Variants in PIEZO2 observed in about 807,000 individuals in gnomAD.
PIEZO2 encodes the protein piezo type mechanosensitive ion channel component 2, also known as piezo-type mechanosensitive ion channel component 2.
A neutral mutation model predicts 337.3 loss-of-function variants in PIEZO2; 172 were observed. The ratio of observed to expected loss-of-function variants is 0.51; its 90% confidence interval spans 0.45 to 0.58. The LOEUF (loss-of-function observed/expected upper bound fraction) is 0.58, where lower values mean the gene tolerates loss of function less well. Among genes scored for constraint, PIEZO2 ranks in the 20% least tolerant of loss-of-function variants. The pLI, the probability that PIEZO2 is intolerant of heterozygous loss-of-function variation, is 0.00. For missense variants in PIEZO2, 3,028 were observed against 3,391.3 expected, an observed-to-expected ratio of 0.89 and a Z score of 2.66; for synonymous variants, 1,251 against 1,228.5, an observed-to-expected ratio of 1.02 and a Z score of -0.38.
intron 2 of PIEZO2, among the ~76,000 whole-genome samples, chr18:11,051,804 A>G (rs1363083614): frequency 1.3e-5 from 2 of 152,192 alleles, no homozygotes; most frequent in African/African-American, 4.8e-5. Flanking sequence ...AGGGCTCTGG[A>G]CTTTGGACAA....
intron 40 of PIEZO2, among the ~76,000 whole-genome samples, chr18:10,706,509 C>T (rs1264108622): frequency 6.6e-6 from 1 of 152,194 alleles, no homozygotes; most frequent in Non-Finnish European, 1.5e-5. Context: ...CCAGGGTGCG[C>T]TTCTGTTCTC....
At chr18:11,113,120 G>A (rs1598979658) in intron 1 of PIEZO2, among the ~76,000 whole-genome samples, 1 of 152,252 alleles carries the variant, frequency 6.6e-6, no homozygotes, top group East Asian at 1.9e-4. Context: ...CTTGACCTGG[G>A]CTTTATGCTC....
Position 10,794,615 on chromosome 18 carries a change from A to C in PIEZO2, c.1758+157T>G, listed in dbSNP as rs2144205424. Reference sequence around the variant, plus strand: ...CATGTTTAAATTATAGAGGCCTCTAAGCACCGCAAACTGTTTCTTACAGTC... The same window carrying C: ...CATGTTTAAATTATAGAGGCCTCTACGCACCGCAAACTGTTTCTTACAGTC... On this transcript the variant is annotated intron_variant, in intron 13 of 55. Transcript: ENST00000674853. This position sits in a 1 kb window ranked among gnomAD's most constrained non-coding sequence, Gnocchi z 6.6. 6.6e-6 allele frequency among the ~76,000 whole-genome samples: 1 copy of C among 152,306 alleles called. No individual in the cohort carries two copies. Among genetic ancestry groups the C allele is most frequent in the South Asian group, 2.1e-4 (1 of 4,816 alleles).
chr18:11,135,377 G>A (rs1191227971), intron 1 of PIEZO2, among the ~76,000 whole-genome samples: 1 of 151,976 alleles, frequency 6.6e-6, no homozygotes, highest in African/African-American at 2.4e-5. Context: ...TCACTGCAGG[G>A]GTGCAGAAAA....
At chr18:10,694,813 T>A (rs2035011682) in intron 47 of PIEZO2, among the ~76,000 whole-genome samples, 1 of 151,882 alleles carries the variant, frequency 6.6e-6, no homozygotes, top group African/African-American at 2.4e-5. Flanking sequence ...CTAGCCTGGG[T>A]GATGGAGTGA....
intron 3 of PIEZO2, among the ~76,000 whole-genome samples, chr18:10,931,602 A>G (rs1463446443): frequency 1.3e-5 from 2 of 152,118 alleles, no homozygotes; most frequent in Non-Finnish European, 2.9e-5. Flanking sequence ...TAATCCCACC[A>G]TACAGAAATT....
intron 3 of PIEZO2, among the ~76,000 whole-genome samples, chr18:10,917,945 A>G (rs1429669578): frequency 6.6e-6 from 1 of 152,192 alleles, no homozygotes; most frequent in African/African-American, 2.4e-5. Flanking sequence ...CAAAGGAGCC[A>G]AGATTTTTTA....
At chr18:10,693,356 T>TTGTATGTGTG (rs1555625695) in intron 47 of PIEZO2, among the ~76,000 whole-genome samples, 2 of 89,974 alleles carry the variant, frequency 2.2e-5, no homozygotes, top group African/African-American at 3.5e-5. Flanking sequence ...AATCTGGATT[T>TTGTATGTGTG]TGTGTGTGTG....
At chr18:10,912,659 C>T (rs2030585869) in intron 3 of PIEZO2, among the ~76,000 whole-genome samples, 1 of 152,134 alleles carries the variant, frequency 6.6e-6, no homozygotes. Context: ...CTTCGGATGG[C>T]CACTAAGTGT....
intron 1 of PIEZO2, among the ~76,000 whole-genome samples, chr18:11,106,172 C>T (rs374240759): frequency 1.8e-4 from 28 of 152,062 alleles, no homozygotes; most frequent in African/African-American, 6.0e-4. Flanking sequence ...CTGCAAGCTC[C>T]GCCTCCCGGG....
intron 1 of PIEZO2, among the ~76,000 whole-genome samples, chr18:11,079,481 G>A (rs559687585): frequency 9.9e-5 from 15 of 152,252 alleles, no homozygotes; most frequent in Admixed American, 9.8e-4. Flanking sequence ...CCTTTTAAAT[G>A]CACCTCCAAT....
intron 1 of PIEZO2, among the ~76,000 whole-genome samples, chr18:11,113,063 C>A (rs2039782350): frequency 6.6e-6 from 1 of 152,188 alleles, no homozygotes; most frequent in African/African-American, 2.4e-5. Flanking sequence ...CTGATTGACT[C>A]ATGAAATCCC....
At chr18:10,740,829 C>G in intron 33 of PIEZO2, 1 of 698,526 alleles carries the variant, frequency 1.4e-6, no homozygotes, top group Non-Finnish European at 2.6e-6. Context: ...AATGTCAGAA[C>G]GTCTGTGCTG....
At chr18:11,119,434 G>A (rs567331654) in intron 1 of PIEZO2, among the ~76,000 whole-genome samples, 2 of 152,218 alleles carry the variant, frequency 1.3e-5, no homozygotes, top group African/African-American at 4.8e-5. Context: ...CACCGCGCCC[G>A]GCCAAATACT....
At chr18:10,887,421 A>G (rs1598633166) in intron 4 of PIEZO2, among the ~76,000 whole-genome samples, 2 of 152,194 alleles carry the variant, frequency 1.3e-5, no homozygotes, top group East Asian at 1.9e-4. Flanking sequence ...TCACAAAGAC[A>G]GCACCAAGCC....
In PIEZO2 at chr18:10,775,443, T is replaced by A. The variant is rs2038750547; in HGVS notation, c.2535-1405A>T. The stretch of plus-strand genomic sequence containing the variant: ...TTTATAAATGAAAAGATACCTTTAT[T>A]AAGACAAGGAATTCGGTGGTTGCAG... On this transcript the variant is annotated intron_variant, in intron 18 of 55. Coordinates refer to ENST00000674853, the MANE Select transcript of PIEZO2 (RefSeq NM_001378183.1). This position sits in a 1 kb window ranked among gnomAD's most constrained non-coding sequence, Gnocchi z 4.3. Among the ~76,000 whole-genome samples, 1 of 152,182 alleles carries A rather than the reference T, an allele frequency of 6.6e-6. No individual in the cohort carries two copies. Among genetic ancestry groups the A allele is most frequent in the Non-Finnish European group, 1.5e-5 (1 of 68,022 alleles).
chr18:10,994,599 G>A (rs1387605023), intron 2 of PIEZO2, among the ~76,000 whole-genome samples: 23 of 151,042 alleles, frequency 1.5e-4, no homozygotes, highest in Admixed American at 9.2e-4. Flanking sequence ...TAGTAGAGAC[G>A]GGGTTTCACC....
chr18:10,734,306 C>A (rs1420745451), intron 35 of PIEZO2, among the ~76,000 whole-genome samples: 1 of 152,100 alleles, frequency 6.6e-6, no homozygotes, highest in Non-Finnish European at 1.5e-5. Context: ...CAGAAGGAAC[C>A]TGGAGGTGTG....
At chr18:11,023,820 A>T (rs370223843) in intron 2 of PIEZO2, among the ~76,000 whole-genome samples, 5 of 152,312 alleles carry the variant, frequency 3.3e-5, no homozygotes, top group Admixed American at 2.0e-4. Flanking sequence ...CCCGGCGAGA[A>T]TTCGAGCGCA....
Sources: gnomAD v4.1 joint callset for allele counts (sites outside exome capture counted in the v4.1 genomes callset) on GRCh38, gnomAD v4.1.1 for gene constraint, Gnocchi (gnomAD v3.1) non-coding constraint, MANE v1.5 for transcripts, NCBI Gene and HGNC (gene_info 2026-07-23, HGNC 2026-07-21) for gene names.